NTN4: variants seen among roughly 807,000 people sequenced by gnomAD.
The protein encoded by NTN4 is netrin-4.
NTN4 carries 32 observed loss-of-function variants against 73.6 expected under a neutral mutation model. The ratio of observed to expected loss-of-function variants is 0.44; its 90% CI spans 0.33 to 0.58. The LOEUF is 0.58. NTN4 is among the 20% of genes least tolerant of loss of function. NTN4 has a pLI of 0.04. For missense variants in NTN4, 654 were observed against 798.3 expected (o/e 0.82, Z 2.18); for synonymous variants, 258 against 287.5 (o/e 0.90, Z 1.04).
chr12:95,773,207 T>C (rs1273632771), intron 2 of NTN4, among the ~76,000 whole-genome samples: 1 of 152,140 alleles, frequency 6.6e-6, no homozygotes, highest in Non-Finnish European at 1.5e-5. Context: ...TTTCACCATG[T>C]TGGCCAGGCT....
At chr12:95,669,365 T>TA (rs1370157445) in intron 8 of NTN4, among the ~76,000 whole-genome samples, 6 of 152,184 alleles carry the variant, frequency 3.9e-5, no homozygotes, top group Admixed American at 2.6e-4. Flanking sequence ...ATTTTCCTGT[T>TA]ATTTGAAAGA....
At chr12:95,674,390 C>A (rs1241492763) in intron 7 of NTN4, among the ~76,000 whole-genome samples, 1 of 152,010 alleles carries the variant, frequency 6.6e-6, no homozygotes, top group Non-Finnish European at 1.5e-5. Context: ...TCCAATACTT[C>A]TTTTTCATAT....
intron 3 of NTN4, among the ~76,000 whole-genome samples, chr12:95,733,998 A>T (rs187688901): frequency 7.6e-6 from 1 of 131,598 alleles, no homozygotes; most frequent in East Asian, 2.5e-4. Context: ...TGAACCCGGG[A>T]GGGGGAGGTT....
chr12:95,759,485 A>ATTTTTT (rs748864733), intron 2 of NTN4, among the ~76,000 whole-genome samples: 7 of 122,318 alleles, frequency 5.7e-5, no homozygotes, highest in Non-Finnish European at 8.4e-5. Context: ...CCCTAGTAGT[A>ATTTTTT]TTTTTGTTTT....
intron 2 of NTN4, among the ~76,000 whole-genome samples, chr12:95,772,434 T>G (rs796745675): frequency 6.4e-4 from 98 of 152,304 alleles, no homozygotes; most frequent in African/African-American, 2.2e-3. Context: ...TCTCTTTTTT[T>G]AATCCATACT....
chr12:95,740,525 G>C (rs986280996), intron 2 of NTN4, among the ~76,000 whole-genome samples: 2 of 152,176 alleles, frequency 1.3e-5, no homozygotes, highest in Admixed American at 6.5e-5. Flanking sequence ...GCATACTTCA[G>C]TATTTCTGGC....
At chr12:95,663,009 A>G (rs1043913033) in intron 9 of NTN4, among the ~76,000 whole-genome samples, 88 of 152,168 alleles carry the variant, frequency 5.8e-4, no homozygotes, top group Non-Finnish European at 8.4e-4. Context: ...AGTCCTAGCT[A>G]CTCAAGAGGC....
intron 5 of NTN4, among the ~76,000 whole-genome samples, chr12:95,690,873 A>G (rs542615814): frequency 5.3e-5 from 8 of 152,284 alleles, no homozygotes; most frequent in African/African-American, 1.9e-4. Flanking sequence ...CTTTTCCTCT[A>G]ATAGAAAATT....
chr12:95,692,570 G>C (rs985064307), intron 5 of NTN4, among the ~76,000 whole-genome samples: 1 of 152,212 alleles, frequency 6.6e-6, no homozygotes, highest in Admixed American at 6.5e-5. Flanking sequence ...TATAGAAAAG[G>C]AGGCAATGCT....
At chr12:95,680,896 A>G (rs916345602) in intron 7 of NTN4, among the ~76,000 whole-genome samples, 2 of 152,152 alleles carry the variant, frequency 1.3e-5, no homozygotes, top group African/African-American at 4.8e-5. Flanking sequence ...ACATTTTAAA[A>G]GAGTATATAA....
rs76541432 is a variant in NTN4, at chr12:95,724,420, A to G, written c.865-11082T>C. Among the ~76,000 whole-genome samples, 83 of 152,334 alleles carry G rather than the reference A, an allele frequency of 5.4e-4. 2 individuals carry two copies. In the East Asian group the frequency reaches 0.016, roughly 29 times the overall value. ...TGATTTCTGTCCAACAGGGATATTT[A>G]CTTGACTAGATCCTACAAGTGAACT... On this transcript the variant is annotated intron_variant, in intron 3 of 9. Transcript: ENST00000343702.
Position 95,659,083 on chromosome 12 carries a change from A to G in NTN4, c.*3T>C, listed in dbSNP as rs763279464. 6.2e-7 allele frequency: 1 copy of G among 1,609,726 alleles called. No homozygotes were observed. The highest frequency in any genetic ancestry group is 8.5e-7 in the Non-Finnish European group (1 of 1,178,644). ...GTGCCATTATGTGCTATCCATCTTA[A>G]TGCTACTTGCACTCTCTTTTTAAAA... is the stretch of plus-strand genomic sequence containing the variant. On this transcript the variant is annotated 3_prime_UTR_variant, in exon 10 of 10. Coordinates refer to ENST00000343702, the MANE Select transcript of NTN4 (RefSeq NM_021229.4).
chr12:95,677,353 G>A (rs761022117), intron 7 of NTN4, among the ~76,000 whole-genome samples: 6 of 147,016 alleles, frequency 4.1e-5, no homozygotes, highest in Non-Finnish European at 9.2e-5. Context: ...CATAGACACT[G>A]TGTCTCAATG....
At chr12:95,784,696 A>G (rs10859949) in intron 2 of NTN4, among the ~76,000 whole-genome samples, 129,508 of 152,006 alleles carry the variant, frequency 0.85, 55,558 homozygotes, top group African/African-American at 0.91. Context: ...GAATCTAGGA[A>G]GCGGAGGCTT....
chr12:95,680,908 G>T (rs981943893), intron 7 of NTN4, among the ~76,000 whole-genome samples: 15 of 152,010 alleles, frequency 9.9e-5, no homozygotes, highest in African/African-American at 3.4e-4. Flanking sequence ...AGTATATAAC[G>T]GCCGGGCGCG....
chr12:95,791,100 G>C (rs1019493518), upstream of NTN4: 2 of 152,926 alleles, frequency 1.3e-5, no homozygotes, highest in Non-Finnish European at 2.9e-5. This position sits in a 1 kb window ranked among gnomAD's most constrained non-coding sequence, Gnocchi z 4.0. Flanking sequence ...CCCCTGGGAA[G>C]CAATCTCCCA....
chr12:95,699,802 A>C (rs1325444144), intron 5 of NTN4, among the ~76,000 whole-genome samples: 1 of 152,150 alleles, frequency 6.6e-6, no homozygotes, highest in Non-Finnish European at 1.5e-5. Flanking sequence ...AATTGACTAC[A>C]TTTATTTTGG....
chr12:95,673,116 T>C (rs2078246797), intron 7 of NTN4: 1 of 997,064 alleles, frequency 1.0e-6, no homozygotes, highest in Non-Finnish European at 1.5e-6. Flanking sequence ...CCTTGCCTGG[T>C]GTGTCCCTCT....
intron 2 of NTN4, among the ~76,000 whole-genome samples, chr12:95,778,903 T>C (rs1163869618): frequency 6.6e-6 from 1 of 151,992 alleles, no homozygotes; most frequent in Admixed American, 6.6e-5. Context: ...GATGCAAAAA[T>C]CCTCAATAAA....
Sources: allele counts gnomAD v4.1 joint callset (sites outside exome capture counted in the v4.1 genomes callset), GRCh38; gene constraint gnomAD v4.1.1; non-coding constraint Gnocchi (gnomAD v3.1); transcripts MANE v1.5; gene names NCBI Gene and HGNC (gene_info 2026-07-23, HGNC 2026-07-21).